The following ACSF2 variants were observed in gnomAD, a reference collection of about 807,000 sequenced individuals.
ACSF2 encodes acyl-CoA synthetase family member 2, also known as medium-chain acyl-CoA ligase ACSF2, mitochondrial.
A neutral mutation model predicts 79.3 loss-of-function variants in ACSF2; 52 were observed. The ratio of observed to expected loss-of-function variants is 0.66; its 90% confidence interval spans 0.53 to 0.83. The LOEUF is 0.83. ACSF2 is among the 40% of genes least tolerant of loss of function. The pLI, the probability that ACSF2 is intolerant of heterozygous loss-of-function variation, is 0.00. For synonymous variants in ACSF2, 283 were observed against 312.6 expected, an observed-to-expected ratio of 0.91 and a Z score of 1.00; for missense variants, 661 against 803.3, an observed-to-expected ratio of 0.82 and a Z score of 2.14.
chr17:50,468,552 G>A (rs1170674120), intron 10 of ACSF2: 2 of 1,614,238 alleles, frequency 1.2e-6, no homozygotes, highest in East Asian at 4.5e-5. Flanking sequence ...GCCACCTCGC[G>A]GATCTGGCAG....
At chr17:50,434,835 A>G (rs2030257009) in intron 1 of ACSF2, among the ~76,000 whole-genome samples, 1 of 152,056 alleles carries the variant, frequency 6.6e-6, no homozygotes, top group Non-Finnish European at 1.5e-5. Flanking sequence ...GCTTTATGAT[A>G]TAATTACATA....
intron 1 of ACSF2, among the ~76,000 whole-genome samples, chr17:50,432,874 C>G (rs936170405): frequency 2.0e-5 from 3 of 152,152 alleles, no homozygotes; most frequent in Non-Finnish European, 1.5e-5. Flanking sequence ...GGAGAAGATT[C>G]TGTGATTCCT....
At chr17:50,450,790 C>T (rs4389179) in intron 1 of ACSF2, 36,773 of 152,128 alleles carry the variant, frequency 0.24, 4,966 homozygotes, top group Non-Finnish European at 0.31. Flanking sequence ...ACCCATTTGA[C>T]CTCTGTAATC....
chr17:50,474,101 C>T lies in ACSF2; in HGVS notation c.1728+97C>T, dbSNP rs932822011. 144 of 1,585,648 alleles carry T rather than the reference C, an allele frequency of 9.1e-5. No homozygotes were observed. The highest frequency in any genetic ancestry group is 1.7e-4 in the Middle Eastern group (1 of 6,000). On this transcript the variant is annotated intron_variant, in intron 14 of 15. Coordinates refer to ENST00000300441, the MANE Select transcript of ACSF2 (RefSeq NM_025149.6). This position sits in a 1 kb window ranked among gnomAD's most constrained non-coding sequence, Gnocchi z 4.2. ...AGGGTGGGGATTGCTCTGCCCTTGA[C>T]GAAGCTGACTCCTGGCCAGGCCAGC... is the stretch of plus-strand genomic sequence containing the variant.
At chr17:50,470,636 C>G (rs112560818) in intron 10 of ACSF2, among the ~76,000 whole-genome samples, 2 of 150,416 alleles carry the variant, frequency 1.3e-5, no homozygotes, top group Admixed American at 1.3e-4. Flanking sequence ...AGGGAGGAGC[C>G]GGGGATGTGG....
At chr17:50,470,926 T>C (rs946718991) in intron 10 of ACSF2, 102 bp from the exon 11 acceptor site, 2 of 884,486 alleles carry the variant, frequency 2.3e-6, no homozygotes, top group African/African-American at 3.3e-5. Flanking sequence ...GCCCTCCACT[T>C]TCCCTTTTCT....
intron 11 of ACSF2, 129 bp from the exon 12 acceptor site, chr17:50,472,299 G>A (rs763566426): frequency 1.3e-4 from 151 of 1,125,654 alleles, no homozygotes; most frequent in Middle Eastern, 9.6e-4. Flanking sequence ...GATAAGCAGA[G>A]CCAGGGGGCC....
rs749953094 is a variant in ACSF2 at position 50,460,662 on chromosome 17, C to T, written c.129-15C>T. 1.5e-5 allele frequency: 24 copies of T among 1,603,302 alleles called. No individual in the cohort carries two copies. The highest frequency in any genetic ancestry group is 2.0e-5 in the Non-Finnish European group (24 of 1,173,818). Reference sequence around the variant, plus strand: ...TGATCTGGGACAGTCAAACCCATAGCTCCTCTCCCTACAGTTCCAGAGAGG... The same window carrying T: ...TGATCTGGGACAGTCAAACCCATAGTTCCTCTCCCTACAGTTCCAGAGAGG... On this transcript the variant is annotated splice_polypyrimidine_tract_variant and intron_variant, in intron 1 of 15. Coordinates refer to ENST00000300441, the MANE Select transcript of ACSF2 (RefSeq NM_025149.6).
rs1160146506 is a variant in ACSF2 at position 50,462,565 on chromosome 17, A to G, written c.772A>G (p.Ile258Val). 1 of 1,613,410 alleles carries G rather than the reference A, an allele frequency of 6.2e-7. No individual in the cohort carries two copies. Among genetic ancestry groups the G allele is most frequent in the Admixed American group, 1.7e-5 (1 of 59,962 alleles). The change falls in exon 6 of 16, where the codon ATC becomes GTC. Residue 258 changes from isoleucine to valine, a missense_variant. Coordinates refer to ENST00000300441, the MANE Select transcript of ACSF2 (RefSeq NM_025149.6). ...GCAGTTCCTGTCCTGCCATGACCCCATCAACATCCAGTTCACCTCGGTAGG... is the reference window on the plus strand; with the variant it reads ...GCAGTTCCTGTCCTGCCATGACCCCGTCAACATCCAGTTCACCTCGGTAGG... ...NQQFLSCHDP[I>V]NIQFTSGTTG...
chr17:50,447,459 T>C (rs2031375869), intron 1 of ACSF2, among the ~76,000 whole-genome samples: 1 of 151,940 alleles, frequency 6.6e-6, no homozygotes, highest in Non-Finnish European at 1.5e-5. Context: ...GGAGGATCTC[T>C]TGAGCCCCAG....
rs754666432 is a variant in ACSF2, at chr17:50,460,742, C to T, written c.194C>T (p.Thr65Ile). The T allele has an allele frequency of 5.6e-6, 9 of 1,613,450 alleles. No individual in the cohort carries two copies. The highest frequency in any genetic ancestry group is 7.6e-6 in the Non-Finnish European group (9 of 1,179,742). ...GGCCTCAGCTACGTTCAGGGGTGCA[C>T]CAAAAAGCATCTTAACAGCAAGACT... Reference protein sequence around the residue: ...IGGLSYVQGCTKKHLNSKTVG... With the variant: ...IGGLSYVQGCIKKHLNSKTVG... The change falls in exon 2 of 16, where the codon ACC becomes ATC. Residue 65 changes from threonine to isoleucine, a missense_variant. By Grantham distance (89) the Thr-to-Ile change is moderately conservative. Coordinates refer to ENST00000300441, the MANE Select transcript of ACSF2 (RefSeq NM_025149.6).
At chr17:50,445,126 G>A (rs1008932434) in intron 1 of ACSF2, among the ~76,000 whole-genome samples, 11 of 151,998 alleles carry the variant, frequency 7.2e-5, no homozygotes, top group Non-Finnish European at 1.5e-4. Flanking sequence ...CATTGCCCAG[G>A]CTGGTCGTGA....
chr17:50,426,481 G>C, intron 1 of ACSF2, 92 bp downstream of exon 1: 8 of 1,267,116 alleles, frequency 6.3e-6, no homozygotes, highest in Non-Finnish European at 8.0e-6. Flanking sequence ...CCCACCTCTG[G>C]ACGAGTGCAC....
In ACSF2 at chr17:50,462,522, C is replaced by T. The variant is rs773627017; in HGVS notation, c.729C>T (p.Asp243=). Residue 243 remains aspartate (D), a synonymous_variant, in exon 6 of 16, where the codon GAC becomes GAT. Coordinates refer to ENST00000300441, the MANE Select transcript of ACSF2 (RefSeq NM_025149.6). ...VAAGSTRQHL[D]QLQYNQQFLS... ...CTGGCAGCACACGGCAGCATCTGGACCAGCTCCAATACAACCAGCAGTTCC... is the reference window on the plus strand; with the variant it reads ...CTGGCAGCACACGGCAGCATCTGGATCAGCTCCAATACAACCAGCAGTTCC... 1.2e-6 allele frequency: 2 copies of T among 1,613,932 alleles called. No individual in the cohort carries two copies. The highest frequency in any genetic ancestry group is 1.1e-5 in the South Asian group (1 of 91,064).
intron 1 of ACSF2, among the ~76,000 whole-genome samples, chr17:50,437,748 A>G (rs555448638): frequency 2.3e-4 from 35 of 152,148 alleles, no homozygotes; most frequent in Middle Eastern, 6.8e-3. Context: ...CATCTTTTGG[A>G]TATTGTAGAC....
At chr17:50,434,980 C>T (rs896866554) in intron 1 of ACSF2, among the ~76,000 whole-genome samples, 1 of 152,144 alleles carries the variant, frequency 6.6e-6, no homozygotes, top group Admixed American at 6.5e-5. Flanking sequence ...ATGCGATTCT[C>T]CTGCCTCAGC....
At chr17:50,438,754 A>T (rs551277438) in intron 1 of ACSF2, among the ~76,000 whole-genome samples, 1 of 151,602 alleles carries the variant, frequency 6.6e-6, no homozygotes. Context: ...TTTAGTAGAC[A>T]TGGGGTTTCA....
chr17:50,427,153 A>G (rs543334628), intron 1 of ACSF2, among the ~76,000 whole-genome samples: 2 of 152,240 alleles, frequency 1.3e-5, no homozygotes, highest in Non-Finnish European at 1.5e-5. Context: ...CTACCACTCA[A>G]CTCGGCCAGA....
intron 1 of ACSF2, among the ~76,000 whole-genome samples, chr17:50,456,425 C>T (rs1009629938): frequency 2.2e-4 from 33 of 152,154 alleles, no homozygotes; most frequent in African/African-American, 7.7e-4. Context: ...CTTAACACTG[C>T]ACCCTCTGAT....
Sources: gnomAD v4.1 joint callset for allele counts (sites outside exome capture counted in the v4.1 genomes callset) on GRCh38, gnomAD v4.1.1 for gene constraint, Gnocchi (gnomAD v3.1) non-coding constraint, MANE v1.5 for transcripts, NCBI Gene and HGNC (gene_info 2026-07-23, HGNC 2026-07-21) for gene names.